The following SRPRB variants were observed in gnomAD, a reference collection of about 807,000 sequenced individuals.
SRPRB encodes SRP receptor subunit beta.
In SRPRB, 20 loss-of-function variants were observed where a neutral mutation model predicts 31.9. The ratio of observed to expected loss-of-function variants is 0.63; its 90% CI spans 0.44 to 0.91. The LOEUF (loss-of-function observed/expected upper bound fraction) is 0.91, where lower values mean the gene tolerates loss of function less well. Ranked by LOEUF, SRPRB falls within the 40% of genes least tolerant of loss-of-function variation. SRPRB has a pLI of 0.00. For synonymous variants in SRPRB, 146 were observed against 132.8 expected, an observed-to-expected ratio of 1.10 and a Z score of -0.68; for missense variants, 321 against 324.9, an observed-to-expected ratio of 0.99 and a Z score of 0.09.
At position 133,819,690 on chromosome 3, in the gene SRPRB, G is replaced by A. The variant is rs750685352; in HGVS notation, c.740G>A (p.Ser247Asn). 19 of 1,614,068 alleles carry A rather than the reference G, an allele frequency of 1.2e-5. No homozygotes were observed. The highest frequency in any genetic ancestry group is 1.3e-5 in the African/African-American group (1 of 74,924). The change falls in exon 7 of 7, where the codon AGT (serine) becomes AAT (asparagine). Residue 247 changes from serine to asparagine, a missense_variant. Ser to Asn is a conservative substitution (Grantham distance 46). Coordinates refer to ENST00000678299, the MANE Select transcript of SRPRB (RefSeq NM_001379313.1). ...LPLKVEFLEC[S>N]AKGGRGDVGS... ...CTCAAAGTGGAGTTCCTGGAGTGCAGTGCCAAGGGTGGAAGAGGGGACGTG... is the reference window on the plus strand; with the variant it reads ...CTCAAAGTGGAGTTCCTGGAGTGCAATGCCAAGGGTGGAAGAGGGGACGTG...
At chr3:133,807,680 A>G in intron 2 of SRPRB, 66 bp from the exon 3 acceptor site, 2 of 1,076,332 alleles carry the variant, frequency 1.9e-6, no homozygotes, top group Non-Finnish European at 1.4e-6. Flanking sequence ...GAGACTTAGA[A>G]TAATATAACT....
At chr3:133,784,087 T>G (rs1934583125) in exon 1 of SRPRB, 1 of 152,344 alleles carries the variant, frequency 6.6e-6, no homozygotes. Context: ...ATGTCCCAAG[T>G]GGACGACACC....
downstream of SRPRB, chr3:133,825,007 C>T (rs1935534803): frequency 6.6e-6 from 1 of 152,206 alleles, no homozygotes; most frequent in Admixed American, 6.5e-5. Context: ...CTCTGCTTCA[C>T]ATAGCTGTAA....
chr3:133,819,450 C>T (rs1012635009), intron 6 of SRPRB, 103 bp from the exon 7 acceptor site: 2 of 999,376 alleles, frequency 2.0e-6, no homozygotes, highest in African/African-American at 3.3e-5. Context: ...ATTGGCAATT[C>T]TATAGTTAAG....
upstream of SRPRB, among the ~76,000 whole-genome samples, chr3:133,804,347 G>A (rs994254684): frequency 6.6e-6 from 1 of 151,898 alleles, no homozygotes. Flanking sequence ...AGAGAGGGAC[G>A]CTCTAAAAGA....
intron 6 of SRPRB, among the ~76,000 whole-genome samples, chr3:133,817,952 A>T (rs1473400195): frequency 1.3e-5 from 2 of 152,226 alleles, no homozygotes; most frequent in Non-Finnish European, 2.9e-5. Flanking sequence ...CAGGTAAAAA[A>T]CAGAAGAAAA....
chr3:133,795,869 C>A (rs1033796946), intron 1 of SRPRB: 1 of 152,292 alleles, frequency 6.6e-6, no homozygotes, highest in African/African-American at 2.4e-5. Flanking sequence ...AGCCACTGCA[C>A]CTGGCCAAAA....
At chr3:133,826,289 G>GCTAT (rs1037685773), downstream of SRPRB, 2 of 152,234 alleles carry the variant, frequency 1.3e-5, no homozygotes, top group African/African-American at 2.4e-5. Flanking sequence ...CAAACCAAAT[G>GCTAT]CTATCTTTTA....
At chr3:133,815,162 G>A (rs902928194) in intron 4 of SRPRB, among the ~76,000 whole-genome samples, 7 of 152,188 alleles carry the variant, frequency 4.6e-5, no homozygotes, top group Non-Finnish European at 7.3e-5. Context: ...TACTCAACCT[G>A]TACTTTCCAG....
downstream of SRPRB, chr3:133,827,648 C>T (rs1935587081): frequency 1.9e-6 from 1 of 540,026 alleles, no homozygotes; most frequent in Non-Finnish European, 3.3e-6. Context: ...GGGGTGAAAA[C>T]ATAGCAACAA....
intron 6 of SRPRB, among the ~76,000 whole-genome samples, chr3:133,818,961 A>C (rs1166519994): frequency 6.6e-6 from 1 of 152,202 alleles, no homozygotes; most frequent in East Asian, 1.9e-4. Flanking sequence ...TGGATAGCAG[A>C]AAGGGGAAGG....
intron 1 of SRPRB, chr3:133,796,364 G>A (rs939213210): frequency 2.6e-5 from 4 of 152,228 alleles, no homozygotes; most frequent in African/African-American, 7.2e-5. Flanking sequence ...CATCTCTGGA[G>A]GGAAATGAGG....
Position 133,815,737 on chromosome 3 carries a change from G to A in SRPRB, c.547+11G>A, listed in dbSNP as rs1244151607. On this transcript the variant is annotated intron_variant, in intron 5 of 6. Transcript: ENST00000678299. Reference sequence around the variant, plus strand: ...CCTGCAATAAGCAAGGTGCCATCATGTTTTCTTGCAATAATAATTGAGTTT... The same window carrying A: ...CCTGCAATAAGCAAGGTGCCATCATATTTTCTTGCAATAATAATTGAGTTT... The A allele has an allele frequency of 6.2e-7, 1 of 1,609,322 alleles. No homozygotes were observed. Among genetic ancestry groups the A allele is most frequent in the South Asian group, 1.1e-5 (1 of 90,502 alleles).
chr3:133,797,519 AT>A (rs1455468414), intron 1 of SRPRB, among the ~76,000 whole-genome samples: 1 of 152,246 alleles, frequency 6.6e-6, no homozygotes, highest in Non-Finnish European at 1.5e-5. Flanking sequence ...TAGATTAAAA[AT>A]AGAGGGCTAA....
downstream of SRPRB, chr3:133,821,592 T>G (rs902657495): frequency 1.3e-5 from 2 of 152,138 alleles, no homozygotes; most frequent in Non-Finnish European, 2.9e-5. Context: ...GGCTGCAAGT[T>G]TGAGTTTGAT....
intron 3 of SRPRB, among the ~76,000 whole-genome samples, chr3:133,808,731 A>G (rs1326573459): frequency 2.0e-5 from 3 of 151,634 alleles, no homozygotes; most frequent in East Asian, 2.0e-4. Context: ...TCTCTACTAA[A>G]AATACAAAAA....
downstream of SRPRB, chr3:133,828,319 T>C (rs1304826162): frequency 5.5e-6 from 2 of 365,284 alleles, no homozygotes; most frequent in East Asian, 1.2e-4. Flanking sequence ...ATTTGCTCAG[T>C]TAATTGTTTT....
At chr3:133,817,802 C>T (rs1935392553) in intron 6 of SRPRB, among the ~76,000 whole-genome samples, 1 of 152,178 alleles carries the variant, frequency 6.6e-6, no homozygotes, top group African/African-American at 2.4e-5. Flanking sequence ...GATGCCAAGA[C>T]TGCAGTTGGG....
chr3:133,801,769 C>T (rs1319939888), upstream of SRPRB, among the ~76,000 whole-genome samples: 1 of 152,088 alleles, frequency 6.6e-6, no homozygotes, highest in Non-Finnish European at 1.5e-5. Flanking sequence ...GCGGTTAGGA[C>T]CATAAGAAAT....
Sources: allele counts gnomAD v4.1 joint callset (sites outside exome capture counted in the v4.1 genomes callset), GRCh38; gene constraint gnomAD v4.1.1; transcripts MANE v1.5; gene names NCBI Gene and HGNC (gene_info 2026-07-23, HGNC 2026-07-21).